Variants in EVL observed in about 807,000 individuals in gnomAD.
EVL encodes Enah/Vasp-like.
In EVL, 21 loss-of-function variants were observed where a neutral mutation model predicts 59.6. The observed-to-expected ratio is 0.35, with a 90% CI of 0.25 to 0.51. The LOEUF is 0.51. Among genes scored for constraint, EVL ranks in the 20% least tolerant of loss-of-function variants. The pLI is 0.97. For synonymous variants in EVL, 198 were observed against 203.5 expected (o/e 0.97, Z 0.23); for missense variants, 462 against 546.6 (o/e 0.85, Z 1.54).
chr14:100,020,887 A>T (rs923145649), intron 1 of EVL, among the ~76,000 whole-genome samples: 6 of 152,188 alleles, frequency 3.9e-5, no homozygotes, highest in Non-Finnish European at 7.3e-5. Context: ...GCGACAAAGA[A>T]ATTCTTTTTA....
chr14:100,126,544 C>A (rs950043096), intron 4 of EVL, among the ~76,000 whole-genome samples, 163 bp from the exon 5 acceptor site: 3 of 152,202 alleles, frequency 2.0e-5, no homozygotes, highest in Non-Finnish European at 4.4e-5. Context: ...CAGTCACATC[C>A]CCCTCCTCTG....
rs371090120 is a variant in EVL at position 100,135,896 on chromosome 14, C to T, written c.901-9C>T. 5.0e-6 allele frequency: 8 copies of T among 1,613,876 alleles called. No homozygotes were observed. Among genetic ancestry groups the T allele is most frequent in the Non-Finnish European group, 6.8e-6 (8 of 1,179,982 alleles). On this transcript the variant is annotated splice_polypyrimidine_tract_variant and intron_variant, in intron 8 of 13. Transcript: ENST00000392920. ...CTTCCTAAACAGACTCCCTTCTTCT[C>T]CATTTTAGGAAGATCCTAGTACCTC...
intron 1 of EVL, among the ~76,000 whole-genome samples, chr14:100,009,056 G>A (rs2061000658): frequency 6.6e-6 from 1 of 152,210 alleles, no homozygotes; most frequent in African/African-American, 2.4e-5. Context: ...AGACTTCTTA[G>A]ATTACAACTC....
chr14:100,141,647 AC>A, intron 12 of EVL, 88 bp from the exon 13 acceptor site: 1 of 1,247,332 alleles, frequency 8.0e-7, no homozygotes. Flanking sequence ...GGCCCAGGAG[AC>A]CCCAAGCCCT....
In EVL at chr14:100,135,153, C is replaced by T. The variant is rs190663638; in HGVS notation, c.901-752C>T. 21 of 152,360 alleles carry T rather than the reference C, an allele frequency of 1.4e-4. 1 individual carries two copies. Among genetic ancestry groups the T allele is most frequent in the Admixed American group, 1.3e-3 (20 of 15,312 alleles). 9.4% of individuals were successfully genotyped at this position (152,360 alleles called of 1,614,324 possible). ...TGCAGGCTGGCACCTGCTTTTGCCT[C>T]TCGACCAGAGCCTCCCGGGACTTAC... is the stretch of plus-strand genomic sequence containing the variant. On this transcript the variant is annotated intron_variant, in intron 8 of 13. Coordinates refer to ENST00000392920, the MANE Select transcript of EVL (RefSeq NM_016337.3).
intron 2 of EVL, 97 bp from the exon 3 acceptor site, chr14:100,097,384 C>A: frequency 1.9e-6 from 2 of 1,064,422 alleles, no homozygotes; most frequent in Non-Finnish European, 2.7e-6. Flanking sequence ...ATCTTCCTGT[C>A]CTCTCAAGGA....
At chr14:100,019,846 T>C (rs1414389228) in intron 1 of EVL, among the ~76,000 whole-genome samples, 1 of 152,066 alleles carries the variant, frequency 6.6e-6, no homozygotes, top group Non-Finnish European at 1.5e-5. Flanking sequence ...GGGTGGGAGG[T>C]GCAGAGGTGG....
intron 1 of EVL, among the ~76,000 whole-genome samples, chr14:100,075,899 A>G (rs1199095077): frequency 6.6e-6 from 1 of 152,148 alleles, no homozygotes; most frequent in Non-Finnish European, 1.5e-5. Context: ...ACAAAGCCTG[A>G]TGTTCTCCCT....
At chr14:100,123,712 G>A in intron 4 of EVL, 110 bp downstream of exon 4, 1 of 1,129,166 alleles carries the variant, frequency 8.9e-7, no homozygotes, top group South Asian at 1.3e-5. Context: ...AGGACTCCTA[G>A]AGGCATACAC....
intron 1 of EVL, chr14:99,975,152 G>C (rs1039139180): frequency 2.0e-5 from 3 of 152,254 alleles, no homozygotes; most frequent in Non-Finnish European, 4.4e-5. Flanking sequence ...TTCGCCATTT[G>C]GTGTTTTCTT....
rs369477850 is a variant in EVL at position 100,141,724 on chromosome 14, C to T, written c.1162-12C>T. ...TGCCTGTCCCTTCACCTGGACACTCCTCTCCCAACAGGAGATCCTAGAGGA... is the reference window on the plus strand; with the variant it reads ...TGCCTGTCCCTTCACCTGGACACTCTTCTCCCAACAGGAGATCCTAGAGGA... On this transcript the variant is annotated splice_polypyrimidine_tract_variant and intron_variant, in intron 12 of 13. Coordinates refer to ENST00000392920, the MANE Select transcript of EVL (RefSeq NM_016337.3). 2 of 1,613,032 alleles carry T rather than the reference C, an allele frequency of 1.2e-6. No individual in the cohort carries two copies. Among genetic ancestry groups the T allele is most frequent in the African/African-American group, 1.3e-5 (1 of 75,070 alleles).
chr14:100,036,446 A>C (rs886284199), intron 1 of EVL, among the ~76,000 whole-genome samples: 52 of 152,224 alleles, frequency 3.4e-4, no homozygotes, highest in African/African-American at 1.2e-3. Flanking sequence ...CTAATAAGCC[A>C]AGAGAAAGGG....
intron 1 of EVL, among the ~76,000 whole-genome samples, chr14:100,070,476 A>G (rs2062026611): frequency 6.6e-6 from 1 of 152,154 alleles, no homozygotes; most frequent in Non-Finnish European, 1.5e-5. Context: ...TGTGCTGTTA[A>G]TACCACAAGA....
intron 1 of EVL, among the ~76,000 whole-genome samples, chr14:100,006,283 CTTTT>C (rs1195149750): frequency 3.0e-5 from 4 of 132,164 alleles, no homozygotes; most frequent in East Asian, 2.1e-4. Flanking sequence ...GGTTGTTAAT[CTTTT>C]TTTTTTTTTT....
At chr14:99,984,127 G>A (rs74088203) in intron 1 of EVL, among the ~76,000 whole-genome samples, 12,173 of 152,154 alleles carry the variant, frequency 0.08, 1,678 homozygotes, top group African/African-American at 0.28. Context: ...CAGCATTTCA[G>A]GTGGCCACCC....
chr14:100,089,134 C>T (rs982057432), intron 2 of EVL, among the ~76,000 whole-genome samples: 3 of 152,170 alleles, frequency 2.0e-5, no homozygotes, highest in Admixed American at 6.5e-5. Context: ...CATATATCTT[C>T]AAAACACATA....
Position 100,126,761 on chromosome 14 carries a change from C to T in EVL, c.477C>T (p.Thr159=). Reference sequence around the variant, plus strand: ...GTCAGGAATCTCTAGAAAGAAGAACCTCGGCCACAGGTGAGAGCCCTCCTC... The same window carrying T: ...GTCAGGAATCTCTAGAAAGAAGAACTTCGGCCACAGGTGAGAGCCCTCCTC... ...QQRQESLERR[T]SATGPILPPG... is the part of the protein sequence containing the mutation. The change falls in exon 5 of 14, where the codon ACC becomes ACT. Residue 159 remains threonine (T), a synonymous_variant. Coordinates refer to ENST00000392920, the MANE Select transcript of EVL (RefSeq NM_016337.3). 1.2e-6 allele frequency: 2 copies of T among 1,613,974 alleles called. No homozygotes were observed. Among genetic ancestry groups the T allele is most frequent in the South Asian group, 2.2e-5 (2 of 91,082 alleles).
At chr14:99,981,282 A>C (rs1361663346) in intron 1 of EVL, among the ~76,000 whole-genome samples, 3 of 151,974 alleles carry the variant, frequency 2.0e-5, no homozygotes, top group Non-Finnish European at 4.4e-5. Flanking sequence ...AAATACAAAA[A>C]TTAGCCAGGC....
At chr14:100,062,584 G>A (rs115894140), upstream of EVL, among the ~76,000 whole-genome samples, 954 of 152,230 alleles carry the variant, frequency 6.3e-3, 10 homozygotes, top group African/African-American at 0.022. Flanking sequence ...TAGTAGACCT[G>A]TATCCATCTA....
Sources: gnomAD v4.1 joint callset for allele counts (sites outside exome capture counted in the v4.1 genomes callset) on GRCh38, gnomAD v4.1.1 for gene constraint, MANE v1.5 for transcripts, NCBI Gene and HGNC (gene_info 2026-07-23, HGNC 2026-07-21) for gene names.